The following TJP2 variants were observed in gnomAD, a reference collection of about 807,000 sequenced individuals.
TJP2 encodes tight junction protein 2.
TJP2 carries 91 observed loss-of-function variants against 133.1 expected under a neutral mutation model. The ratio of observed to expected loss-of-function variants is 0.68; its 90% CI spans 0.58 to 0.81. The LOEUF (loss-of-function observed/expected upper bound fraction) is 0.81. TJP2 is among the 40% of genes least tolerant of loss of function. TJP2 has a pLI of 0.00. For synonymous variants in TJP2, 592 were observed against 583.4 expected (o/e 1.01, Z -0.21); for missense variants, 1,541 against 1,565.6 (o/e 0.98, Z 0.26).
chr9:69,166,217 C>T (rs762130193), intron 2 of TJP2, among the ~76,000 whole-genome samples: 1 of 152,108 alleles, frequency 6.6e-6, no homozygotes, highest in Admixed American at 6.5e-5. Flanking sequence ...CTCAAGCCAT[C>T]CTCTTGCTTC....
In TJP2 at chr9:69,246,572, T is replaced by C. The variant is rs1830941326; in HGVS notation, c.2567-118T>C. 10 of 854,726 alleles carry C rather than the reference T, an allele frequency of 1.2e-5. 1 individual carries two copies. The South Asian group carries it at 1.4e-4, about 12-fold the overall frequency. The allele number at this position is 854,726 out of a possible 1,614,324, so 52.9% of individuals were successfully genotyped here. Reference sequence around the variant, plus strand: ...AATATTCAAAGATGTGCAAACATCTTCTTGCGTCTGCCATAGTCTTAAATA... The same window carrying C: ...AATATTCAAAGATGTGCAAACATCTCCTTGCGTCTGCCATAGTCTTAAATA... On this transcript the variant is annotated intron_variant, in intron 17 of 22. Transcript: ENST00000377245.
At chr9:69,159,336 G>A (rs1030878455) in intron 2 of TJP2, among the ~76,000 whole-genome samples, 2 of 151,908 alleles carry the variant, frequency 1.3e-5, no homozygotes, top group African/African-American at 4.8e-5. Context: ...AAATAAAATA[G>A]TGATGTTTGA....
intron 1 of TJP2, among the ~76,000 whole-genome samples, chr9:69,148,275 C>CA (rs34986827): frequency 0.44 from 38,790 of 88,264 alleles, 8,204 homozygotes; most frequent in East Asian, 0.65. Context: ...GACACAGTCT[C>CA]AAAAAAAAAA....
At chr9:69,235,524 G>A (rs1299951084) in intron 12 of TJP2, among the ~76,000 whole-genome samples, 2 of 151,762 alleles carry the variant, frequency 1.3e-5, no homozygotes, top group African/African-American at 4.8e-5. Context: ...GGGTTTCACT[G>A]TGTTAGCCAG....
intron 3 of TJP2, among the ~76,000 whole-genome samples, chr9:69,216,892 A>G (rs556339855): frequency 4.1e-4 from 63 of 152,266 alleles, no homozygotes; most frequent in Admixed American, 1.9e-3. Context: ...AGTTGGGACA[A>G]TTTACTATAG....
chr9:69,206,497 G>T (rs945548311), intron 1 of TJP2, among the ~76,000 whole-genome samples: 7 of 152,084 alleles, frequency 4.6e-5, no homozygotes, highest in Non-Finnish European at 8.8e-5. Context: ...TTGGGTATTA[G>T]ATCCTTCACC....
In TJP2 at chr9:69,243,835, C is replaced by T. The variant is rs17411611; in HGVS notation, c.2567-2855C>T. Reference sequence around the variant, plus strand: ...TAGCGTGCCACTGTTAACCGAGCCACGTGAAAAGCTTTATTGAGTTTTGAC... The same window carrying T: ...TAGCGTGCCACTGTTAACCGAGCCATGTGAAAAGCTTTATTGAGTTTTGAC... On this transcript the variant is annotated intron_variant, in intron 17 of 22. Transcript: ENST00000377245. Among the ~76,000 whole-genome samples the T allele has an allele frequency of 3.1e-3, 478 of 152,230 alleles. 2 individuals carry two copies. Among genetic ancestry groups the T allele is most frequent in the South Asian group, 0.019 (90 of 4,816 alleles).
At chr9:69,224,587 G>A (rs1397498995) in intron 5 of TJP2, among the ~76,000 whole-genome samples, 1 of 152,162 alleles carries the variant, frequency 6.6e-6, no homozygotes, top group Non-Finnish European at 1.5e-5. Flanking sequence ...TGAGGCAGGA[G>A]AATCACTTGA....
Position 69,254,487 on chromosome 9 carries a change from G to GAGTCCCACCAC in TJP2, c.*113_*114insAGTCCCACCAC. On this transcript the variant is annotated 3_prime_UTR_variant, in exon 23 of 23. Coordinates refer to ENST00000377245, the MANE Select transcript of TJP2 (RefSeq NM_004817.4). ...TAGAATGCACCATGGAGACGTGGTG[G>GAGTCCCACCAC]GACTCCAGCTCGTGTGTCCTCATGG... The GAGTCCCACCAC allele has an allele frequency of 7.3e-7, 1 of 1,366,384 alleles. No individual in the cohort carries two copies. Among genetic ancestry groups the GAGTCCCACCAC allele is most frequent in the Non-Finnish European group, 1.0e-6 (1 of 976,338 alleles). 84.6% of individuals were successfully genotyped at this position (1,366,384 alleles called of 1,614,324 possible).
chr9:69,175,658 C>T (rs1490591380), intron 1 of TJP2, among the ~76,000 whole-genome samples: 3 of 152,148 alleles, frequency 2.0e-5, no homozygotes, highest in African/African-American at 7.2e-5. Context: ...TCACACAGTC[C>T]CGTTGGGAAA....
upstream of TJP2, among the ~76,000 whole-genome samples, chr9:69,173,377 A>G (rs1242919019): frequency 2.0e-5 from 3 of 152,204 alleles, no homozygotes; most frequent in Non-Finnish European, 4.4e-5. Flanking sequence ...TCACTGCACA[A>G]TTCTTTGCAC....
upstream of TJP2, among the ~76,000 whole-genome samples, chr9:69,172,944 A>G (rs1824770001): frequency 6.6e-6 from 1 of 152,142 alleles, no homozygotes; most frequent in Admixed American, 6.5e-5. Context: ...AATACAACCA[A>G]AATGTCTAAG....
At chr9:69,174,456 G>C (rs759277222) in intron 1 of TJP2, 24 bp downstream of exon 1, 3 of 1,544,630 alleles carry the variant, frequency 1.9e-6, no homozygotes, top group East Asian at 4.9e-5. Flanking sequence ...TGTGCCGCGC[G>C]GTTGGGAGGA....
At chr9:69,139,445 A>G (rs1421171593) in intron 1 of TJP2, among the ~76,000 whole-genome samples, 1 of 152,206 alleles carries the variant, frequency 6.6e-6, no homozygotes, top group Non-Finnish European at 1.5e-5. Flanking sequence ...GGACACAGAC[A>G]CATACAGAGG....
intron 17 of TJP2, among the ~76,000 whole-genome samples, chr9:69,241,811 C>T (rs1830593051): frequency 6.6e-6 from 1 of 152,130 alleles, no homozygotes; most frequent in Non-Finnish European, 1.5e-5. Flanking sequence ...TGACTGAGCC[C>T]AGACTAAACT....
intron 1 of TJP2, among the ~76,000 whole-genome samples, chr9:69,187,136 G>A (rs1825910218): frequency 6.6e-6 from 1 of 152,110 alleles, no homozygotes; most frequent in Non-Finnish European, 1.5e-5. Flanking sequence ...CAGCATGCAC[G>A]GCCTGAAAGA....
Position 69,220,949 on chromosome 9 carries a change from G to A in TJP2, c.405G>A (p.Gln135=). The A allele has an allele frequency of 6.2e-7, 1 of 1,612,792 alleles. No individual in the cohort carries two copies. Among genetic ancestry groups the A allele is most frequent in the Non-Finnish European group, 8.5e-7 (1 of 1,179,994 alleles). ...AALQASPPLD[Q]DDRAFEVMDE... is the part of the protein sequence containing the mutation. ...TTCAGGCCAGCCCTCCCCTGGATCA[G>A]GATGACCGGGCTTTTGAGGTGATGG... Residue 135 remains glutamine, a synonymous_variant, in exon 5 of 23, where the codon CAG becomes CAA. Coordinates refer to ENST00000377245, the MANE Select transcript of TJP2 (RefSeq NM_004817.4).
At chr9:69,145,917 G>C in intron 1 of TJP2, 1 of 589,506 alleles carries the variant, frequency 1.7e-6, no homozygotes, top group Admixed American at 4.4e-5. Context: ...GTCTTGTGGG[G>C]ATAATAAATG....
rs751614472 is a variant in TJP2 at position 69,246,729 on chromosome 9, G to T, written c.2606G>T (p.Gly869Val). The change falls in exon 18 of 23, where the codon GGC (glycine) becomes GTC (valine). Residue 869 changes from glycine (G) to valine (V), a missense_variant. By Grantham distance (109) the Gly-to-Val change is moderately radical. Transcript: ENST00000377245. Reference sequence around the variant, plus strand: ...AATTCAGCCAATGATAGCTGGTTTGGCAGCTTAAAGGACACTATTCAGCAT... The same window carrying T: ...AATTCAGCCAATGATAGCTGGTTTGTCAGCTTAAAGGACACTATTCAGCAT... ...NLNSANDSWF[G>V]SLKDTIQHQQ... The T allele has an allele frequency of 6.2e-7, 1 of 1,614,030 alleles. No individual in the cohort carries two copies. Among genetic ancestry groups the T allele is most frequent in the Admixed American group, 1.7e-5 (1 of 59,992 alleles).
Sources: allele counts gnomAD v4.1 joint callset (sites outside exome capture counted in the v4.1 genomes callset), GRCh38; gene constraint gnomAD v4.1.1; transcripts MANE v1.5; gene names NCBI Gene and HGNC (gene_info 2026-07-23, HGNC 2026-07-21).